Variants in HEATR4 observed in about 807,000 individuals in gnomAD.
HEATR4 encodes the protein HEAT repeat containing 4.
Under a neutral mutation model 108.8 loss-of-function variants are expected in HEATR4, and 95 were observed. That is an observed-to-expected ratio of 0.87 (90% confidence interval 0.74 to 1.04). The LOEUF (loss-of-function observed/expected upper bound fraction) is 1.04, where lower values mean the gene tolerates loss of function less well. HEATR4 is among the 50% of genes least tolerant of loss of function. The pLI is 0.00. For missense variants in HEATR4, 1,152 were observed against 1,253.8 expected (o/e 0.92, Z 1.23); for synonymous variants, 443 against 459.4 (o/e 0.96, Z 0.46).
chr14:73,494,294 C>A (rs1033863310), intron 16 of HEATR4, among the ~76,000 whole-genome samples: 11 of 152,186 alleles, frequency 7.2e-5, no homozygotes, highest in Admixed American at 6.6e-4. Flanking sequence ...GGCTGAGTGA[C>A]CTGAGGCTGA....
the HEATR4 span, among the ~76,000 whole-genome samples, chr14:73,571,966 C>A: frequency 6.6e-6 from 1 of 151,180 alleles, no homozygotes; most frequent in Admixed American, 6.6e-5. Context: ...CAAAATAAAA[C>A]AACAGAGTAC....
chr14:73,479,639 T>G (rs1437299882), intron 17 of HEATR4, among the ~76,000 whole-genome samples: 1 of 151,098 alleles, frequency 6.6e-6, no homozygotes, highest in Non-Finnish European at 1.5e-5. Flanking sequence ...CGTTTCTCCA[T>G]GTTGGCCAGG....
intron 1 of HEATR4, among the ~76,000 whole-genome samples, chr14:73,545,979 T>C (rs1367879431): frequency 8.8e-6 from 1 of 113,506 alleles, no homozygotes; most frequent in African/African-American, 2.9e-5. Context: ...TGGGACACCA[T>C]CTTATAAAAA....
the HEATR4 span, chr14:73,569,973 C>CG: frequency 1.1e-5 from 16 of 1,465,738 alleles, no homozygotes; most frequent in South Asian, 2.2e-4. Context: ...TGTGTATGCC[C>CG]CCCCGCCGCG....
At chr14:73,496,702 TAG>T in intron 14 of HEATR4, 23 bp from the exon 15 acceptor site, 1 of 1,275,442 alleles carries the variant, frequency 7.8e-7, no homozygotes, top group Non-Finnish European at 1.1e-6. Context: ...AAGGGCTTCT[TAG>T]ATTATTCTAC....
At chr14:73,623,622 G>A in the HEATR4 span, among the ~76,000 whole-genome samples, 7 of 152,108 alleles carry the variant, frequency 4.6e-5, no homozygotes, top group East Asian at 1.9e-4. Flanking sequence ...AGGAATTCTC[G>A]CTATGATGAT....
At chr14:73,576,793 C>CAA in the HEATR4 span, among the ~76,000 whole-genome samples, 5 of 12,106 alleles carry the variant, frequency 4.1e-4, no homozygotes, top group African/African-American at 6.5e-4. Context: ...GACACAGTCT[C>CAA]AAAAAAAAAA....
chr14:73,592,612 G>T, the HEATR4 span, among the ~76,000 whole-genome samples: 10 of 152,360 alleles, frequency 6.6e-5, no homozygotes, highest in Non-Finnish European at 8.8e-5. Flanking sequence ...CAGCACTTTG[G>T]GAGGCCGAGA....
the HEATR4 span, among the ~76,000 whole-genome samples, chr14:73,625,711 A>G: frequency 2.6e-5 from 4 of 152,104 alleles, no homozygotes; most frequent in African/African-American, 9.7e-5. Flanking sequence ...TTACTACTGT[A>G]ATTGTTTTGG....
intron 17 of HEATR4, among the ~76,000 whole-genome samples, chr14:73,482,851 G>A (rs1885308645): frequency 6.6e-6 from 1 of 152,060 alleles, no homozygotes; most frequent in Non-Finnish European, 1.5e-5. Context: ...TAGAGATGGG[G>A]GTTTCACCAT....
At chr14:73,574,568 A>G in the HEATR4 span, among the ~76,000 whole-genome samples, 73 of 152,082 alleles carry the variant, frequency 4.8e-4, no homozygotes, top group African/African-American at 1.7e-3. Flanking sequence ...CGGCCATGAG[A>G]TGATGTACTT....
intron 1 of HEATR4, chr14:73,539,437 G>A (rs35422385): frequency 0.034 from 4,177 of 124,212 alleles, 1,049 homozygotes; most frequent in African/African-American, 0.11. Context: ...GACTCCAGGT[G>A]CTGCTCTACC....
At chr14:73,572,199 TAAAA>T in the HEATR4 span, among the ~76,000 whole-genome samples, 3 of 85,480 alleles carry the variant, frequency 3.5e-5, no homozygotes, top group African/African-American at 1.1e-4. Context: ...TGGATTAATT[TAAAA>T]AAAGAGCAAA....
At chr14:73,578,176 A>T in the HEATR4 span, among the ~76,000 whole-genome samples, 1 of 151,412 alleles carries the variant, frequency 6.6e-6, no homozygotes, top group Non-Finnish European at 1.5e-5. Context: ...AACATGAAAA[A>T]TTTTAAAAAG....
At chr14:73,490,487 T>C (rs1566818599) in intron 17 of HEATR4, among the ~76,000 whole-genome samples, 1 of 152,136 alleles carries the variant, frequency 6.6e-6, no homozygotes, top group East Asian at 1.9e-4. Flanking sequence ...GCTAGTTTTT[T>C]GTATTTTTCT....
chr14:73,544,548 A>G (rs1204873654), intron 1 of HEATR4, among the ~76,000 whole-genome samples: 1 of 116,026 alleles, frequency 8.6e-6, no homozygotes, highest in Non-Finnish European at 1.9e-5. Flanking sequence ...CTGTTTATAC[A>G]TATGGACCTT....
the HEATR4 span, chr14:73,619,396 C>G: frequency 4.3e-6 from 7 of 1,614,162 alleles, no homozygotes; most frequent in Admixed American, 1.2e-4. Context: ...TATTCCTAAA[C>G]TTGTCGATGA....
upstream of HEATR4, among the ~76,000 whole-genome samples, chr14:73,559,634 C>T (rs959934111): frequency 3.3e-5 from 5 of 151,830 alleles, no homozygotes; most frequent in South Asian, 2.1e-4. Context: ...CCCAGCTACT[C>T]GGGAGGCTGA....
chr14:73,492,283 G>C lies in HEATR4; in HGVS notation c.2844+783C>G, dbSNP rs369146034. The C allele has an allele frequency of 5.0e-5, 81 of 1,613,990 alleles. No homozygotes were observed. The highest frequency in any genetic ancestry group is 3.3e-4 in the Middle Eastern group (2 of 6,062). On this transcript the variant is annotated intron_variant, in intron 17 of 17. Coordinates refer to ENST00000553558, the MANE Select transcript of HEATR4 (RefSeq NM_001220484.1). The surrounding 1 kb of genome is among the most constrained non-coding windows in gnomAD (Gnocchi z 4.9). ...ACTCTCTGCACCTCACCTTGTCCAC[G>C]TACCAGCGCAATACCTGGGGTGACT...
Sources: allele counts gnomAD v4.1 joint callset (sites outside exome capture counted in the v4.1 genomes callset), GRCh38; gene constraint gnomAD v4.1.1; non-coding constraint Gnocchi (gnomAD v3.1); transcripts MANE v1.5; gene names NCBI Gene and HGNC (gene_info 2026-07-23, HGNC 2026-07-21).